SF3B4: variants seen among roughly 807,000 people sequenced by gnomAD.
The protein encoded by SF3B4 is splicing factor 3b subunit 4, also known as SAP 49.
In SF3B4, 3 loss-of-function variants were observed where a neutral mutation model predicts 34.3. The observed-to-expected ratio is 0.09, with a 90% CI of 0.04 to 0.23. The LOEUF is 0.23. SF3B4 is among the 10% of genes least tolerant of loss of function. The probability of loss-of-function intolerance (pLI) is 1.00; values close to 1 mark genes in which losing one functional copy is unlikely to be tolerated. For synonymous variants in SF3B4, 216 were observed against 207.8 expected (o/e 1.04, Z -0.34); for missense variants, 283 against 567.2 (o/e 0.50, Z 5.09).
intron 1 of SF3B4, 30 bp downstream of exon 1, chr1:149,927,696 G>A: frequency 6.4e-7 from 1 of 1,551,894 alleles, no homozygotes; most frequent in South Asian, 1.2e-5. Context: ...GCCACGCTGA[G>A]CCCATTCCAG....
At chr1:149,927,384 G>A in intron 1 of SF3B4, 90 bp from the exon 2 acceptor site, 1 of 1,524,160 alleles carries the variant, frequency 6.6e-7, no homozygotes, top group Admixed American at 1.8e-5. Context: ...CCAACCAGGG[G>A]AACTGGGGAC....
In SF3B4 at chr1:149,926,400, A is replaced by G. The variant is rs115070660; in HGVS notation, c.682T>C (p.Leu228=). 0.023 allele frequency: 37,199 copies of G among 1,611,792 alleles called. 536 individuals are homozygous for G. Among genetic ancestry groups the G allele is most frequent in the Non-Finnish European group, 0.028 (32,727 of 1,178,140 alleles). Residue 228 remains leucine, a synonymous_variant, in exon 3 of 6, where the codon TTG becomes CTG. Coordinates refer to ENST00000271628, the MANE Select transcript of SF3B4 (RefSeq NM_005850.5). The surrounding 1 kb of genome is among the most constrained non-coding windows in gnomAD (Gnocchi z 6.2). ...CCTGGTGGAGGAAGCCCAGACCCCA[A>G]TGATGATACCACAGGATTGGGAGCA... The part of the protein sequence containing the change: ...PSAPNPVVSS[L]GSGLPPPGMP...
In SF3B4 at chr1:149,927,771, TC is replaced by T. The variant is rs1559799680; in HGVS notation, c.-13del. The T allele has an allele frequency of 7.7e-6, 12 of 1,552,282 alleles. No individual in the cohort carries two copies. Among genetic ancestry groups the T allele is most frequent in the Non-Finnish European group, 7.8e-6 (9 of 1,147,370 alleles). On this transcript the variant is annotated 5_prime_UTR_variant, in exon 1 of 6. Coordinates refer to ENST00000271628, the MANE Select transcript of SF3B4 (RefSeq NM_005850.5). Reference sequence around the variant, plus strand: ...GGCCCGGCAGCCATGGCGAAAGAGATCCCGCCGTCTCCCAGCAGCGGTTCCG... The same window carrying T: ...GGCCCGGCAGCCATGGCGAAAGAGATCCGCCGTCTCCCAGCAGCGGTTCCG...
Position 149,923,343 on chromosome 1 carries a change from TC to T in SF3B4, c.*198del. 2.0e-6 allele frequency: 1 copy of T among 512,662 alleles called. No individual in the cohort carries two copies. Among genetic ancestry groups the T allele is most frequent in the Non-Finnish European group, 3.4e-6 (1 of 291,172 alleles). The allele number at this position is 512,662 out of a possible 1,614,324, so 31.8% of individuals were successfully genotyped here. On this transcript the variant is annotated 3_prime_UTR_variant, in exon 6 of 6. Transcript: ENST00000271628. The stretch of plus-strand genomic sequence containing the variant: ...AAACAAGGAGTTTAGTTTTATTTTC[TC>T]TGTGCATTTGCAAAATACTCAGGAC...
intron 4 of SF3B4, chr1:149,925,634 A>G: frequency 1.5e-6 from 1 of 646,146 alleles, no homozygotes; most frequent in Non-Finnish European, 2.8e-6. Context: ...TGGCAAGTAG[A>G]GTCTACTTGT....
In SF3B4 at chr1:149,923,937, C is replaced by G; in HGVS notation, c.991G>C (p.Gly331Arg). 1 of 1,593,554 alleles carries G rather than the reference C, an allele frequency of 6.3e-7. No homozygotes were observed. The highest frequency in any genetic ancestry group is 8.5e-7 in the Non-Finnish European group (1 of 1,173,662). The change falls in exon 5 of 6, where the codon GGC (glycine) becomes CGC (arginine). Residue 331 changes from glycine (G) to arginine (R), a missense_variant. Physicochemically the swap from Gly to Arg is moderately radical, Grantham distance 125 (BLOSUM62 -2). Around this residue, in one of 4 missense-constraint regions of SF3B4, gnomAD observed 208 missense variants for 292.6 expected, o/e 0.71. Coordinates refer to ENST00000271628, the MANE Select transcript of SF3B4 (RefSeq NM_005850.5). The part of the protein sequence containing the change: ...HPHAGPPGSG[G>R]QPPPRPPPGM... The stretch of plus-strand genomic sequence containing the variant: ...GGTGGTGGTCGGGGCGGTGGCTGGC[C>G]CCCAGAGCCTGGGGGTCCAGCGTGG...
chr1:149,926,182 A>C lies in SF3B4; in HGVS notation c.707-140T>G, dbSNP rs868941336. On this transcript the variant is annotated intron_variant, in intron 3 of 5. Transcript: ENST00000271628. This position sits in a 1 kb window ranked among gnomAD's most constrained non-coding sequence, Gnocchi z 6.2. ...GTGCTCTAAAATCAAAAGCAATGTT[A>C]GAAAAGTCAACCAACTTCACCCTCC... is the stretch of plus-strand genomic sequence containing the variant. The C allele has an allele frequency of 1.9e-4, 138 of 708,318 alleles. 3 individuals carry two copies. In the South Asian group the frequency reaches 2.1e-3, roughly 11 times the overall value. The allele number at this position is 708,318 out of a possible 1,614,324, so 43.9% of individuals were successfully genotyped here.
chr1:149,925,947 G>A lies in SF3B4; in HGVS notation c.802C>T (p.Pro268Ser). 6.4e-7 allele frequency: 1 copy of A among 1,552,436 alleles called. No individual in the cohort carries two copies. The highest frequency in any genetic ancestry group is 8.7e-7 in the Non-Finnish European group (1 of 1,145,328). The change falls in exon 4 of 6, where the codon CCT becomes TCT. Residue 268 changes from proline (P) to serine (S), a missense_variant. Physicochemically the swap from Pro to Ser is moderately conservative, Grantham distance 74. Around this residue, in one of 4 missense-constraint regions of SF3B4, gnomAD observed 208 missense variants for 292.6 expected, o/e 0.71. Transcript: ENST00000271628. The part of the protein sequence containing the change: ...PPAMPPPPMP[P>S]GAAGHGPPSA... ...GGGGGGCCATGTCCTGCAGCCCCAG[G>A]AGGCATAGGTGGTGGGGGCATGGCT...
rs1553766142 is a variant in SF3B4, at chr1:149,927,149, C to G, written c.163+17G>C. On this transcript the variant is annotated intron_variant, in intron 2 of 5. Transcript: ENST00000271628. ...TGGGACCCTCCGGGAGCAATTCGCC[C>G]CTTGTCATGTACTCACCTTGGTGCT... The G allele has an allele frequency of 6.2e-7, 1 of 1,612,506 alleles. No individual in the cohort carries two copies. Among genetic ancestry groups the G allele is most frequent in the South Asian group, 1.1e-5 (1 of 91,026 alleles).
intron 4 of SF3B4, chr1:149,925,552 T>C (rs932234391): frequency 5.0e-6 from 2 of 401,568 alleles, no homozygotes; most frequent in African/African-American, 4.2e-5. Flanking sequence ...TCCCCGAGAT[T>C]TGGCAATTAG....
intron 1 of SF3B4, 37 bp from the exon 2 acceptor site, chr1:149,927,331 T>C (rs782137683): frequency 1.2e-6 from 2 of 1,606,404 alleles, no homozygotes; most frequent in Admixed American, 3.3e-5. Flanking sequence ...AGCGTGAGAG[T>C]GTAACGGGAA....
In SF3B4 at chr1:149,923,884, T is replaced by C. The variant is rs368253606; in HGVS notation, c.1044A>G (p.Pro348=). The change falls in exon 5 of 6, where the codon CCA becomes CCG. Residue 348 remains proline (P), a synonymous_variant. Coordinates refer to ENST00000271628, the MANE Select transcript of SF3B4 (RefSeq NM_005850.5). ...GAGGCCCTCGGGGGGGCATGCCCATTGGAGGAGGTCCAGGATGAGGCATTC... is the reference window on the plus strand; with the variant it reads ...GAGGCCCTCGGGGGGGCATGCCCATCGGAGGAGGTCCAGGATGAGGCATTC... ...PPGMPHPGPP[P]MGMPPRGPPF... The C allele has an allele frequency of 3.1e-6, 5 of 1,605,384 alleles. No individual in the cohort carries two copies. The highest frequency in any genetic ancestry group is 4.2e-6 in the Non-Finnish European group (5 of 1,177,418).
chr1:149,925,688 A>G (rs1553765898), intron 4 of SF3B4, 148 bp downstream of exon 4: 1 of 730,568 alleles, frequency 1.4e-6, no homozygotes. Flanking sequence ...GATGTTAGAG[A>G]GCATTTTGTA....
intron 1 of SF3B4, 44 bp downstream of exon 1, chr1:149,927,682 C>T (rs1479134178): frequency 3.2e-6 from 5 of 1,550,652 alleles, no homozygotes; most frequent in Middle Eastern, 1.7e-4. Flanking sequence ...GTCGGGGCCT[C>T]CTAGCCACGC....
rs769863250 is a variant in SF3B4 at position 149,927,775 on chromosome 1, G to T, written c.-16C>A. The T allele has an allele frequency of 1.3e-6, 2 of 1,551,908 alleles. No individual in the cohort carries two copies. Among genetic ancestry groups the T allele is most frequent in the South Asian group, 1.2e-5 (1 of 83,744 alleles). The stretch of plus-strand genomic sequence containing the variant: ...CGGCAGCCATGGCGAAAGAGATCCC[G>T]CCGTCTCCCAGCAGCGGTTCCGCCT... On this transcript the variant is annotated 5_prime_UTR_variant, in exon 1 of 6. Coordinates refer to ENST00000271628, the MANE Select transcript of SF3B4 (RefSeq NM_005850.5).
At chr1:149,925,227 A>G (rs1553765808) in intron 4 of SF3B4, among the ~76,000 whole-genome samples, 1 of 152,200 alleles carries the variant, frequency 6.6e-6, no homozygotes, top group East Asian at 1.9e-4. Context: ...AAGGAGAGGG[A>G]TAGAAAAATG....
In SF3B4 at chr1:149,923,924, G is replaced by T. The variant is rs782268528; in HGVS notation, c.1004C>A (p.Pro335His). 1 of 1,599,120 alleles carries T rather than the reference G, an allele frequency of 6.3e-7. No individual in the cohort carries two copies. Among genetic ancestry groups the T allele is most frequent in the Non-Finnish European group, 8.5e-7 (1 of 1,175,408 alleles). ...GPPGSGGQPP[P>H]RPPPGMPHPG... is the part of the protein sequence containing the mutation. ...ATGAGGCATTCCAGGTGGTGGTCGG[G>T]GCGGTGGCTGGCCCCCAGAGCCTGG... Residue 335 changes from proline to histidine, a missense_variant, in exon 5 of 6, where the codon CCC (proline) becomes CAC (histidine). Coordinates refer to ENST00000271628, the MANE Select transcript of SF3B4 (RefSeq NM_005850.5).
chr1:149,927,299 A>G lies in SF3B4; in HGVS notation c.35-5T>C. ...CCCCCACGTACACAGTGGCATCTTG[A>G]AGGGAGGGAGCAAAAAGAGCAAGCG... On this transcript the variant is annotated splice_region_variant and splice_polypyrimidine_tract_variant and intron_variant, in intron 1 of 5. Transcript: ENST00000271628. 1 of 1,613,416 alleles carries G rather than the reference A, an allele frequency of 6.2e-7. No homozygotes were observed. Among genetic ancestry groups the G allele is most frequent in the Non-Finnish European group, 8.5e-7 (1 of 1,179,918 alleles).
In SF3B4 at chr1:149,926,002, A is replaced by T. The variant is rs200664628; in HGVS notation, c.747T>A (p.Pro249=). 6.0e-6 allele frequency: 9 copies of T among 1,504,314 alleles called. No homozygotes were observed. Among genetic ancestry groups the T allele is most frequent in the Non-Finnish European group, 8.0e-6 (9 of 1,123,858 alleles). The allele number at this position is 1,504,314 out of a possible 1,614,324, so 93.2% of individuals were successfully genotyped here. Residue 249 remains proline, a synonymous_variant, in exon 4 of 6, where the codon CCT becomes CCA. Coordinates refer to ENST00000271628, the MANE Select transcript of SF3B4 (RefSeq NM_005850.5). The surrounding 1 kb of genome is among the most constrained non-coding windows in gnomAD (Gnocchi z 6.2). ...PPGSFPPPVP[P]PGALPPGIPP... ...GTATCCCAGGTGGGAGGGCTCCAGG[A>T]GGTGGCACTGGGGGTGGGAAGGAGC...
Sources: allele counts gnomAD v4.1 joint callset (sites outside exome capture counted in the v4.1 genomes callset), GRCh38; gene constraint gnomAD v4.1.1; regional missense constraint gnomAD v4.1.1; non-coding constraint Gnocchi (gnomAD v3.1); transcripts MANE v1.5; gene names NCBI Gene and HGNC (gene_info 2026-07-23, HGNC 2026-07-21).